Variants in IRAG2 observed in about 807,000 individuals in gnomAD.
The protein encoded by IRAG2 is lymphoid restricted membrane protein.
IRAG2 carries 45 observed loss-of-function variants against 69.9 expected under a neutral mutation model. The ratio of observed to expected loss-of-function variants is 0.64; its 90% CI spans 0.51 to 0.83. The LOEUF is 0.83. Among genes scored for constraint, IRAG2 ranks in the 40% least tolerant of loss-of-function variants. The probability of loss-of-function intolerance (pLI) is 0.00; values close to 1 mark genes in which losing one functional copy is unlikely to be tolerated. For missense variants in IRAG2, 520 were observed against 587.0 expected, an observed-to-expected ratio of 0.89 and a Z score of 1.18; for synonymous variants, 193 against 202.4, an observed-to-expected ratio of 0.95 and a Z score of 0.40.
At chr12:25,017,996 A>T (rs1944545113) in intron 6 of IRAG2, among the ~76,000 whole-genome samples, 1 of 152,144 alleles carries the variant, frequency 6.6e-6, no homozygotes, top group Non-Finnish European at 1.5e-5. Context: ...TTTAAGGTTC[A>T]TCCATGTTGT....
rs560364406 is a variant in IRAG2 at position 25,005,890 on chromosome 12, G to GGGA, written c.688+537_688+539dup. Reference sequence around the variant, plus strand: ...TGCAACAAAACAAAAATTGACAAGCGGGACCTAATTAACCTCTGCACAGCA... The same window carrying GGGA: ...TGCAACAAAACAAAAATTGACAAGCGGGAGGACCTAATTAACCTCTGCACAGCA... On this transcript the variant is annotated intron_variant, in intron 2 of 38. Transcript: ENST00000636465. Among the ~76,000 whole-genome samples, 262 of 152,124 alleles carry GGGA rather than the reference G, an allele frequency of 1.7e-3. 1 individual carries two copies. The highest frequency in any genetic ancestry group is 6.0e-3 in the African/African-American group (249 of 41,502).
intron 15 of IRAG2, among the ~76,000 whole-genome samples, chr12:25,036,877 G>A (rs1944706247): frequency 6.6e-6 from 1 of 152,086 alleles, no homozygotes; most frequent in Non-Finnish European, 1.5e-5. Context: ...GAGAGAGTGA[G>A]TGTGCAGATA....
intron 16 of IRAG2, among the ~76,000 whole-genome samples, chr12:25,039,381 T>C (rs1312457278): frequency 6.6e-6 from 1 of 152,192 alleles, no homozygotes; most frequent in East Asian, 1.9e-4. Flanking sequence ...GGGGGCTAAG[T>C]GGACACGCAG....
At chr12:25,097,747 ATTCT>A (rs1394393285) in intron 15 of IRAG2, among the ~76,000 whole-genome samples, 2 of 152,202 alleles carry the variant, frequency 1.3e-5, no homozygotes, top group African/African-American at 2.4e-5. Flanking sequence ...GAATACTGTT[ATTCT>A]TTGTTTCATT....
chr12:25,051,532 C>T (rs1377268679), upstream of IRAG2, among the ~76,000 whole-genome samples: 2 of 152,194 alleles, frequency 1.3e-5, no homozygotes, highest in Admixed American at 1.3e-4. Flanking sequence ...TAAATAATCT[C>T]ATCTGCTAAC....
At chr12:24,998,627 T>C in the IRAG2 span, among the ~76,000 whole-genome samples, 1 of 152,218 alleles carries the variant, frequency 6.6e-6, no homozygotes, top group African/African-American at 2.4e-5. Context: ...TAGTGGCATC[T>C]AATCATTAGT....
Position 25,005,321 on chromosome 12 carries a change from A to G in IRAG2, c.655A>G (p.Ser219Gly), listed in dbSNP as rs1944422843. Residue 219 changes from serine (S) to glycine (G), a missense_variant, in exon 2 of 39, where the codon AGT becomes GGT. By Grantham distance (56) the Ser-to-Gly change is moderately conservative. Coordinates refer to the IRAG2 transcript ENST00000636465. The stretch of plus-strand genomic sequence containing the variant: ...GGCCTGTAAAGAAGAGGCACTCACA[A>G]GTATTTTTAATGCATGTGACATCAA... The G allele has an allele frequency of 2.4e-6, 3 of 1,229,378 alleles. 1 individual carries two copies. The South Asian group carries it at 1.2e-4, about 51-fold the overall frequency. 76.2% of individuals were successfully genotyped at this position (1,229,378 alleles called of 1,614,324 possible).
At chr12:25,027,031 CTTT>C (rs36008257) in intron 9 of IRAG2, among the ~76,000 whole-genome samples, 3 of 146,912 alleles carry the variant, frequency 2.0e-5, no homozygotes, top group Admixed American at 6.8e-5. Flanking sequence ...CCTTTTCCTT[CTTT>C]TTTTTTTTTG....
intron 4 of IRAG2, chr12:25,015,310 A>G (rs1565526524): frequency 8.1e-7 from 1 of 1,231,374 alleles, no homozygotes; most frequent in African/African-American, 1.6e-5. Context: ...CGGTTTGTAG[A>G]AAATGATTTT....
intron 13 of IRAG2, 128 bp from the exon 14 acceptor site, chr12:25,089,929 G>A (rs1947921069): frequency 7.8e-7 from 1 of 1,277,794 alleles, no homozygotes. Context: ...GGTGAACCCT[G>A]TGCATGTCAG....
chr12:25,018,219 CAG>C (rs1288591102), intron 6 of IRAG2, among the ~76,000 whole-genome samples: 1 of 90,982 alleles, frequency 1.1e-5, no homozygotes, highest in Non-Finnish European at 2.1e-5. Context: ...TTTTTGGAGA[CAG>C]GGTGTCACTT....
In IRAG2 at chr12:25,037,757, C is replaced by T. The variant is rs183659766; in HGVS notation, c.1981-217C>T. Among the ~76,000 whole-genome samples the T allele has an allele frequency of 2.3e-4, 35 of 152,276 alleles. No individual in the cohort carries two copies. In the East Asian group the frequency reaches 6.2e-3, roughly 27 times the overall value. ...GGACATAATAGGCACTTTATACATA[C>T]TTGTTACATTGACATAACCAATAGG... On this transcript the variant is annotated intron_variant, in intron 15 of 38. Coordinates refer to the IRAG2 transcript ENST00000636465.
chr12:25,077,374 T>TATATATATGATATATATGAA (rs1946886149), intron 6 of IRAG2, among the ~76,000 whole-genome samples: 1 of 61,644 alleles, frequency 1.6e-5, no homozygotes, highest in East Asian at 4.2e-4. Context: ...ATATATGAAA[T>TATATATATGATATATATGAA]ATATATATGA....
At chr12:25,059,155 G>T in intron 1 of IRAG2, among the ~76,000 whole-genome samples, 1 of 152,112 alleles carries the variant, frequency 6.6e-6, no homozygotes, top group Admixed American at 6.6e-5. Context: ...GTATTTTGGA[G>T]ATACACGACC....
At chr12:25,030,240 A>G (rs1944658288) in intron 9 of IRAG2, 3 of 1,210,464 alleles carry the variant, frequency 2.5e-6, no homozygotes, top group South Asian at 4.2e-5. Context: ...TACCAAAGCA[A>G]TGTCCCAACG....
At chr12:25,091,822 T>A (rs1210142882) in intron 14 of IRAG2, among the ~76,000 whole-genome samples, 1 of 152,232 alleles carries the variant, frequency 6.6e-6, no homozygotes, top group Non-Finnish European at 1.5e-5. Flanking sequence ...TGAGGTGGTA[T>A]CTTATTGTGG....
At chr12:25,024,124 T>C (rs1000697783) in intron 8 of IRAG2, among the ~76,000 whole-genome samples, 2 of 152,192 alleles carry the variant, frequency 1.3e-5, no homozygotes, top group Admixed American at 1.3e-4. Flanking sequence ...CAATTATCCT[T>C]GGAAGAAATG....
intron 8 of IRAG2, among the ~76,000 whole-genome samples, chr12:25,024,449 CAA>C (rs766807193): frequency 3.9e-5 from 6 of 152,120 alleles, no homozygotes; most frequent in Non-Finnish European, 5.9e-5. Context: ...AGTATAATCT[CAA>C]AGAAAAAGAA....
At chr12:25,107,418 C>T (rs1397845441) in intron 21 of IRAG2, among the ~76,000 whole-genome samples, 1 of 152,148 alleles carries the variant, frequency 6.6e-6, no homozygotes, top group African/African-American at 2.4e-5. Context: ...GGTCTTGGAG[C>T]ATATCCCACA....
Sources: gnomAD v4.1 joint callset for allele counts (sites outside exome capture counted in the v4.1 genomes callset) on GRCh38, gnomAD v4.1.1 for gene constraint, MANE v1.5 for transcripts, NCBI Gene and HGNC (gene_info 2026-07-23, HGNC 2026-07-21) for gene names.